Variants in UCKL1 observed in about 807,000 individuals in gnomAD.
UCKL1 encodes the protein uridine-cytidine kinase 1 like 1.
A neutral mutation model predicts 59.2 loss-of-function variants in UCKL1; 65 were observed. The observed-to-expected ratio is 1.10, with a 90% confidence interval of 0.90 to 1.35. UCKL1 has a LOEUF of 1.35. Among genes scored for constraint, UCKL1 ranks in the 40% most tolerant of loss-of-function variants. UCKL1 has a pLI of 0.00. For missense variants in UCKL1, 703 were observed against 784.3 expected (o/e 0.90, Z 1.24); for synonymous variants, 410 against 323.1 (o/e 1.27, Z -2.88).
chr20:63,946,456 T>C lies in UCKL1; in HGVS notation c.301A>G (p.Ile101Val). ...HGTQSKEAFAIGLGGGSASGK... is the reference protein window; with the variant it reads ...HGTQSKEAFAVGLGGGSASGK... ...CCCACCCCCCCGCTGCTCTCACCGA[T>C]GGCGAAGGCCTCTTTGGATTGCGTG... is the stretch of plus-strand genomic sequence containing the variant. The change falls in exon 2 of 15, where the codon ATC becomes GTC. Residue 101 changes from isoleucine to valine, a missense_variant. This residue lies in a region of UCKL1 where 398 missense variants were observed against 373.0 expected (regional missense o/e 1.07). Coordinates refer to ENST00000354216, the MANE Select transcript of UCKL1 (RefSeq NM_017859.4). The C allele has an allele frequency of 6.4e-7, 1 of 1,558,352 alleles. No individual in the cohort carries two copies. The highest frequency in any genetic ancestry group is 8.7e-7 in the Non-Finnish European group (1 of 1,150,894).
At chr20:63,947,494 C>G (rs951252266) in intron 1 of UCKL1, among the ~76,000 whole-genome samples, 5 of 152,238 alleles carry the variant, frequency 3.3e-5, no homozygotes, top group African/African-American at 1.2e-4. Flanking sequence ...GGTCCCCAGA[C>G]AGGACCAGGC....
chr20:63,953,386 A>C (rs533766167), intron 1 of UCKL1: 1 of 151,474 alleles, frequency 6.6e-6, no homozygotes, highest in African/African-American at 2.4e-5. Context: ...TCTCAAAAAC[A>C]AAACAAAACA....
intron 7 of UCKL1, 116 bp downstream of exon 7, chr20:63,944,281 G>A: frequency 2.9e-6 from 3 of 1,034,334 alleles, no homozygotes; most frequent in Non-Finnish European, 4.2e-6. Context: ...GCTGGCACCT[G>A]GCAGGGGACA....
chr20:63,948,345 G>C (rs2056801537), intron 1 of UCKL1: 2 of 151,974 alleles, frequency 1.3e-5, no homozygotes, highest in South Asian at 4.2e-4. Flanking sequence ...GGCACAGTCT[G>C]TCCACCGCGC....
Position 63,956,329 on chromosome 20 carries a change from G to C in UCKL1, c.44C>G (p.Thr15Arg), listed in dbSNP as rs201642402. The C allele has an allele frequency of 2.9e-4, 448 of 1,553,862 alleles. 1 individual carries two copies. The highest frequency in any genetic ancestry group is 3.4e-4 in the Non-Finnish European group (395 of 1,153,544). Residue 15 changes from threonine (T) to arginine (R), a missense_variant, in exon 1 of 15, where the codon ACG becomes AGG. Around this residue, in one of 4 missense-constraint regions of UCKL1, gnomAD observed 398 missense variants for 373.0 expected, o/e 1.07. Transcript: ENST00000354216. ...PARADADPSPTSPPTARDTPG... is the reference protein window; with the variant it reads ...PARADADPSPRSPPTARDTPG... The stretch of plus-strand genomic sequence containing the variant: ...TGTGTCTCGGGCCGTAGGTGGCGAC[G>C]TGGGCGAAGGATCAGCGTCCGCGCG...
At position 63,947,123 on chromosome 20, in the gene UCKL1, G is replaced by A. The variant is rs890186425; in HGVS notation, c.114-480C>T. On this transcript the variant is annotated intron_variant, in intron 1 of 14. Transcript: ENST00000354216. The stretch of plus-strand genomic sequence containing the variant: ...CCTCCTGCCTGCAGCTGGGCCACAG[G>A]ACACACAGACCCAAGTGCTCAGCCT... 1.4e-4 allele frequency among the ~76,000 whole-genome samples: 22 copies of A among 152,072 alleles called. No individual in the cohort carries two copies. In the East Asian group the frequency reaches 3.1e-3, roughly 21 times the overall value.
chr20:63,941,084 C>T (rs2054265868), intron 9 of UCKL1, 26 bp downstream of exon 9: 2 of 1,599,748 alleles, frequency 1.3e-6, no homozygotes, highest in Non-Finnish European at 8.5e-7. Flanking sequence ...CGCCCGGGGC[C>T]GCCCCGTCCC....
chr20:63,941,269 C>G (rs1156384258), intron 8 of UCKL1, 61 bp from the exon 9 acceptor site: 1 of 1,455,926 alleles, frequency 6.9e-7, no homozygotes, highest in South Asian at 1.4e-5. Context: ...CCCTCCCTCC[C>G]CACAGGACGG....
intron 10 of UCKL1, 32 bp downstream of exon 10, chr20:63,940,918 A>G: frequency 3.3e-6 from 5 of 1,520,296 alleles, no homozygotes; most frequent in Non-Finnish European, 4.4e-6. Flanking sequence ...TCCAAGACCC[A>G]CCCTCCACCT....
chr20:63,939,927 G>T lies in UCKL1; in HGVS notation c.*49C>A. The T allele has an allele frequency of 6.6e-7, 1 of 1,511,920 alleles. No homozygotes were observed. The highest frequency in any genetic ancestry group is 9.2e-7 in the Non-Finnish European group (1 of 1,089,562). 93.7% of individuals were successfully genotyped at this position (1,511,920 alleles called of 1,614,324 possible). On this transcript the variant is annotated 3_prime_UTR_variant, in exon 15 of 15. Coordinates refer to ENST00000354216, the MANE Select transcript of UCKL1 (RefSeq NM_017859.4). ...ACATCTTTGTATTCAGCAGTCCTGGGTCAGGAGGCAGGAGGAGGGTGGTGG... is the reference window on the plus strand; with the variant it reads ...ACATCTTTGTATTCAGCAGTCCTGGTTCAGGAGGCAGGAGGAGGGTGGTGG...
intron 1 of UCKL1, among the ~76,000 whole-genome samples, chr20:63,946,952 T>C (rs1312026916): frequency 6.6e-6 from 1 of 151,432 alleles, no homozygotes; most frequent in Non-Finnish European, 1.5e-5. Flanking sequence ...GGTGCGGTGG[T>C]GGGTGCCTGT....
At chr20:63,952,617 C>T (rs1006029891) in intron 1 of UCKL1, among the ~76,000 whole-genome samples, 5 of 152,238 alleles carry the variant, frequency 3.3e-5, no homozygotes, top group Non-Finnish European at 5.9e-5. Context: ...CCCATTCCCA[C>T]GCCACCCACA....
intron 8 of UCKL1, among the ~76,000 whole-genome samples, chr20:63,941,963 T>G (rs149929760): frequency 9.6e-4 from 132 of 137,636 alleles, no homozygotes; most frequent in South Asian, 3.5e-3. Context: ...CGGAATTGGG[T>G]GTGGCAGGGC....
chr20:63,941,331 G>C (rs562039835), intron 8 of UCKL1, 123 bp from the exon 9 acceptor site: 2 of 1,406,012 alleles, frequency 1.4e-6, no homozygotes, highest in South Asian at 1.4e-5. Context: ...ACGAGGTGCA[G>C]AGCGGGCCTG....
chr20:63,956,191 C>T, intron 1 of UCKL1, 69 bp downstream of exon 1: 1 of 1,353,480 alleles, frequency 7.4e-7, no homozygotes, highest in Non-Finnish European at 9.7e-7. Context: ...ACGGACCACC[C>T]GCCCAGCTCG....
At chr20:63,947,963 G>A (rs1199297500) in intron 1 of UCKL1, among the ~76,000 whole-genome samples, 1 of 152,190 alleles carries the variant, frequency 6.6e-6, no homozygotes, top group Non-Finnish European at 1.5e-5. Context: ...CAGCCTCTGG[G>A]GAGGCTCAAT....
chr20:63,940,767 C>T (rs377153359), intron 11 of UCKL1, 27 bp downstream of exon 11: 14 of 1,602,742 alleles, frequency 8.7e-6, no homozygotes, highest in Admixed American at 5.0e-5. Context: ...CAGCCTGTCC[C>T]GCGCCCAGGT....
intron 8 of UCKL1, chr20:63,942,712 A>G: frequency 4.0e-6 from 2 of 494,106 alleles, no homozygotes; most frequent in Admixed American, 2.1e-5. Context: ...GTGCAGCCAC[A>G]GGCCAACACT....
At position 63,941,096 on chromosome 20, in the gene UCKL1, A is replaced by G. The variant is rs780202677; in HGVS notation, c.1022+14T>C. On this transcript the variant is annotated intron_variant, in intron 9 of 14. Coordinates refer to ENST00000354216, the MANE Select transcript of UCKL1 (RefSeq NM_017859.4). ...ACGCGCCCGGGGCCGCCCCGTCCCCAGGTGGGCCCTCACCTGATGATGGTG... is the reference window on the plus strand; with the variant it reads ...ACGCGCCCGGGGCCGCCCCGTCCCCGGGTGGGCCCTCACCTGATGATGGTG... The G allele has an allele frequency of 1.1e-5, 18 of 1,599,540 alleles. No individual in the cohort carries two copies. Among genetic ancestry groups the G allele is most frequent in the East Asian group, 4.5e-5 (2 of 44,192 alleles).
Sources: gnomAD v4.1 joint callset for allele counts (sites outside exome capture counted in the v4.1 genomes callset) on GRCh38, gnomAD v4.1.1 for gene constraint, gnomAD v4.1.1 regional missense constraint, MANE v1.5 for transcripts, NCBI Gene and HGNC (gene_info 2026-07-23, HGNC 2026-07-21) for gene names.